Variants in HIF3A observed in about 807,000 individuals in gnomAD.
The protein encoded by HIF3A is hypoxia-inducible factor 3-alpha.
A neutral mutation model predicts 67.2 loss-of-function variants in HIF3A; 41 were observed. That is an observed-to-expected ratio of 0.61 (90% confidence interval 0.48 to 0.79). The LOEUF (loss-of-function observed/expected upper bound fraction) is 0.79, where lower values mean the gene tolerates loss of function less well. Among genes scored for constraint, HIF3A ranks in the 30% least tolerant of loss-of-function variants. The pLI, the probability that HIF3A is intolerant of heterozygous loss-of-function variation, is 0.00. For missense variants in HIF3A, 855 were observed against 898.0 expected, an observed-to-expected ratio of 0.95 and a Z score of 0.61; for synonymous variants, 356 against 374.8, an observed-to-expected ratio of 0.95 and a Z score of 0.58.
intron 1 of HIF3A, among the ~76,000 whole-genome samples, chr19:46,302,691 A>G (rs1968447143): frequency 1.3e-5 from 2 of 152,078 alleles, no homozygotes; most frequent in African/African-American, 4.8e-5. Flanking sequence ...CTGGGCAACA[A>G]AATGACACAC....
At chr19:46,327,558 C>T (rs1315823821) in intron 11 of HIF3A, among the ~76,000 whole-genome samples, 19 of 152,080 alleles carry the variant, frequency 1.2e-4, no homozygotes, top group Admixed American at 1.1e-3. Flanking sequence ...GCATCATTTG[C>T]CATCTGGAGG....
chr19:46,298,036 G>A (rs1967994360), intron 1 of HIF3A, among the ~76,000 whole-genome samples: 1 of 152,118 alleles, frequency 6.6e-6, no homozygotes, highest in African/African-American at 2.4e-5. Context: ...CCTGTGCCCT[G>A]GGGCCGCTGC....
At chr19:46,323,350 C>A (rs1191622402) in intron 10 of HIF3A, among the ~76,000 whole-genome samples, 4 of 151,940 alleles carry the variant, frequency 2.6e-5, no homozygotes, top group Non-Finnish European at 5.9e-5. Flanking sequence ...CGCCCGGCCT[C>A]TGGGGACAGT....
At chr19:46,306,409 G>C (rs1458453221) in intron 3 of HIF3A, 1 of 152,130 alleles carries the variant, frequency 6.6e-6, no homozygotes, top group Non-Finnish European at 1.5e-5. Context: ...ATAGGGGCAG[G>C]GACCATGGGG....
At chr19:46,330,843 G>A (rs183613062) in intron 12 of HIF3A, among the ~76,000 whole-genome samples, 1 of 148,866 alleles carries the variant, frequency 6.7e-6, no homozygotes, top group Admixed American at 6.7e-5. Context: ...ATGGATGGCA[G>A]ATGGATGGAT....
Position 46,329,495 on chromosome 19 carries a change from G to A in HIF3A, c.1712+17G>A, listed in dbSNP as rs371128866. 3.9e-4 allele frequency: 589 copies of A among 1,494,770 alleles called. 5 individuals are homozygous for A. In the African/African-American group the frequency reaches 7.5e-3, roughly 19 times the overall value. 92.6% of individuals were successfully genotyped at this position (1,494,770 alleles called of 1,614,324 possible). On this transcript the variant is annotated intron_variant, in intron 12 of 14. Coordinates refer to ENST00000377670, the MANE Select transcript of HIF3A (RefSeq NM_152795.4). The stretch of plus-strand genomic sequence containing the variant: ...TCGGAAGAGGTGAGCCACAGTAAAG[G>A]GGGGACATCAAGGCAGCATCCCCTC...
At chr19:46,319,148 T>C (rs1346606037) in intron 8 of HIF3A, among the ~76,000 whole-genome samples, 1 of 152,206 alleles carries the variant, frequency 6.6e-6, no homozygotes, top group African/African-American at 2.4e-5. Flanking sequence ...TATGTGTCCC[T>C]ATATGCACTC....
At chr19:46,332,061 C>G (rs1971272623) in intron 13 of HIF3A, among the ~76,000 whole-genome samples, 1 of 152,020 alleles carries the variant, frequency 6.6e-6, no homozygotes, top group Non-Finnish European at 1.5e-5. Flanking sequence ...GGGTTCAAGT[C>G]CCAGGTCTGC....
At chr19:46,300,459 G>A (rs890326041) in intron 1 of HIF3A, among the ~76,000 whole-genome samples, 2 of 152,098 alleles carry the variant, frequency 1.3e-5, no homozygotes, top group African/African-American at 2.4e-5. Context: ...TCAGGAGTTC[G>A]AGACCAGCCT....
Position 46,297,175 on chromosome 19 carries a change from T to TA in HIF3A, c.26+73_26+74insA, listed in dbSNP as rs1244579176. Reference sequence around the variant, plus strand: ...CCTGGAGACCCCTGAGCTGGATTGTTGGGGGGGGTGGGGTTCGCGGGTGCG... The same window carrying TA: ...CCTGGAGACCCCTGAGCTGGATTGTTAGGGGGGGGTGGGGTTCGCGGGTGCG... On this transcript the variant is annotated intron_variant, in intron 1 of 14. Transcript: ENST00000377670. The surrounding 1 kb of genome is among the most constrained non-coding windows in gnomAD (Gnocchi z 4.5). 16 of 206,000 alleles carry TA rather than the reference T, an allele frequency of 7.8e-5. No individual in the cohort carries two copies. The highest frequency in any genetic ancestry group is 1.2e-4 in the Non-Finnish European group (13 of 111,944). The allele number at this position is 206,000 out of a possible 1,614,324, so 12.8% of individuals were successfully genotyped here.
chr19:46,336,162 T>C (rs1169127618), intron 14 of HIF3A, among the ~76,000 whole-genome samples: 1 of 147,082 alleles, frequency 6.8e-6, no homozygotes, highest in Non-Finnish European at 1.5e-5. Flanking sequence ...CGTGCGATCT[T>C]GGCTCACTGC....
chr19:46,330,059 G>A (rs1416610990), intron 12 of HIF3A, among the ~76,000 whole-genome samples: 3 of 151,192 alleles, frequency 2.0e-5, no homozygotes, highest in Non-Finnish European at 4.4e-5. Flanking sequence ...GAGGGAGGGA[G>A]GGAGGGAAGG....
chr19:46,300,851 G>C (rs1281431634), intron 1 of HIF3A, among the ~76,000 whole-genome samples: 2 of 152,164 alleles, frequency 1.3e-5, no homozygotes, highest in African/African-American at 2.4e-5. Context: ...GGAGCTGGAA[G>C]GAGGGTCCCT....
chr19:46,312,127 A>G lies in HIF3A; in HGVS notation c.771-34A>G, dbSNP rs1394621175. On this transcript the variant is annotated intron_variant, in intron 6 of 14. Transcript: ENST00000377670. Reference sequence around the variant, plus strand: ...CCTACCCTCTCTCTCACCCAGTAGCATCCTGACCAGACCCCACTCCGCCCC... The same window carrying G: ...CCTACCCTCTCTCTCACCCAGTAGCGTCCTGACCAGACCCCACTCCGCCCC... 6 of 1,528,726 alleles carry G rather than the reference A, an allele frequency of 3.9e-6. No homozygotes were observed. In the South Asian group the frequency reaches 6.7e-5, roughly 17 times the overall value. The allele number at this position is 1,528,726 out of a possible 1,614,324, so 94.7% of individuals were successfully genotyped here. A position where few individuals can be genotyped will look rare whatever the true frequency, so the allele number is the denominator to read the frequency against.
Position 46,341,747 on chromosome 19 carries a change from T to A in HIF3A, c.*2125T>A, listed in dbSNP as rs1178392321. 6.6e-6 allele frequency: 1 copy of A among 151,828 alleles called. No homozygotes were observed. 9.4% of individuals were successfully genotyped at this position (151,828 alleles called of 1,614,324 possible). A position where few individuals can be genotyped will look rare whatever the true frequency, so the allele number is the denominator to read the frequency against. ...AACCTCCGCCTCCTGATTCAAGTGATTCTCCTGCCTCAGCCTCCTAAATTG... is the reference window on the plus strand; with the variant it reads ...AACCTCCGCCTCCTGATTCAAGTGAATCTCCTGCCTCAGCCTCCTAAATTG... On this transcript the variant is annotated 3_prime_UTR_variant, in exon 15 of 15. Transcript: ENST00000377670.
At chr19:46,308,531 G>A (rs1002833818) in intron 4 of HIF3A, 132 bp from the exon 5 acceptor site, 11 of 651,684 alleles carry the variant, frequency 1.7e-5, no homozygotes, top group Non-Finnish European at 2.6e-5. Flanking sequence ...ACTACCCCTG[G>A]GGGACCCTCT....
At position 46,307,999 on chromosome 19, in the gene HIF3A, C is replaced by CAGACAGAT. The variant is rs1555778658; in HGVS notation, c.364-219_364-218insCAGATAGA. ...ACAGACAGACAGACAGACAGACAGA[C>CAGACAGAT]AGATAGATAGATAGATAGATGAGGG... On this transcript the variant is annotated intron_variant, in intron 3 of 14. Coordinates refer to ENST00000377670, the MANE Select transcript of HIF3A (RefSeq NM_152795.4). Among the ~76,000 whole-genome samples the CAGACAGAT allele has an allele frequency of 6.3e-3, 310 of 49,344 alleles. 3 individuals are homozygous for CAGACAGAT. The highest frequency in any genetic ancestry group is 0.02 in the East Asian group (36 of 1,824). 32.4% of individuals were successfully genotyped at this position (49,344 alleles called of 152,430 possible).
intron 1 of HIF3A, among the ~76,000 whole-genome samples, chr19:46,299,377 G>T (rs896173910): frequency 6.6e-6 from 1 of 152,224 alleles, no homozygotes; most frequent in Non-Finnish European, 1.5e-5. Context: ...TCCTGGTGGT[G>T]TGGAATTGTG....
intron 13 of HIF3A, 64 bp downstream of exon 13, chr19:46,331,337 T>C (rs755182356): frequency 2.4e-5 from 32 of 1,331,288 alleles, no homozygotes; most frequent in Non-Finnish European, 3.4e-5. Flanking sequence ...ACCTACTGTT[T>C]TATAGATAGG....
Sources: allele counts gnomAD v4.1 joint callset (sites outside exome capture counted in the v4.1 genomes callset), GRCh38; gene constraint gnomAD v4.1.1; non-coding constraint Gnocchi (gnomAD v3.1); transcripts MANE v1.5; gene names NCBI Gene and HGNC (gene_info 2026-07-23, HGNC 2026-07-21).